Variants in SYNPR observed in about 807,000 individuals in gnomAD.
The protein encoded by SYNPR is synaptoporin.
In SYNPR, 23 loss-of-function variants were observed where a neutral mutation model predicts 32.9. The ratio of observed to expected loss-of-function variants is 0.70; its 90% CI spans 0.50 to 0.99. The LOEUF is 0.99. Ranked by LOEUF, SYNPR falls within the 50% of genes least tolerant of loss-of-function variation. SYNPR has a pLI of 0.00. For synonymous variants in SYNPR, 146 were observed against 135.9 expected (o/e 1.07, Z -0.52); for missense variants, 318 against 349.3 (o/e 0.91, Z 0.71).
At chr3:63,460,572 CAA>C (rs11390803) in intron 2 of SYNPR, among the ~76,000 whole-genome samples, 12 of 45,710 alleles carry the variant, frequency 2.6e-4, no homozygotes, top group African/African-American at 8.2e-4. Context: ...ATTGGTAGAC[CAA>C]AAAAAAAAAA....
At chr3:63,521,070 G>A (rs1701904991) in intron 3 of SYNPR, among the ~76,000 whole-genome samples, 1 of 152,116 alleles carries the variant, frequency 6.6e-6, no homozygotes, top group Non-Finnish European at 1.5e-5. Flanking sequence ...TGAAAAGAGG[G>A]TGATACACAG....
rs138894249 is a variant in SYNPR, at chr3:63,604,759, A to G, written c.409-4366A>G. Among the ~76,000 whole-genome samples, 458 of 152,308 alleles carry G rather than the reference A, an allele frequency of 3.0e-3. 7 individuals carry two copies. The East Asian group carries it at 0.04, about 13-fold the overall frequency. On this transcript the variant is annotated intron_variant, in intron 4 of 5. Coordinates refer to ENST00000478300, the MANE Select transcript of SYNPR (RefSeq NM_001130003.2). Reference sequence around the variant, plus strand: ...GAGGATGGTAAAAATTTCAATTTTAATTACATTATTATTTGATCTAATTAA... The same window carrying G: ...GAGGATGGTAAAAATTTCAATTTTAGTTACATTATTATTTGATCTAATTAA...
At chr3:63,478,324 G>A (rs1449256618) in intron 2 of SYNPR, among the ~76,000 whole-genome samples, 1 of 152,146 alleles carries the variant, frequency 6.6e-6, no homozygotes, top group Admixed American at 6.5e-5. Context: ...GCACTGAAAT[G>A]GACAAGATTT....
chr3:63,517,485 C>T (rs935905854), intron 3 of SYNPR, among the ~76,000 whole-genome samples: 2 of 152,108 alleles, frequency 1.3e-5, no homozygotes, highest in Admixed American at 6.6e-5. Flanking sequence ...CTAGTATAGA[C>T]ATCAATGATA....
At chr3:63,328,946 T>C (rs1004875400) in intron 2 of SYNPR, among the ~76,000 whole-genome samples, 1 of 152,200 alleles carries the variant, frequency 6.6e-6, no homozygotes. Context: ...CATCGCACAA[T>C]ATGTTTATTT....
At chr3:63,496,265 T>C (rs2106727319) in intron 3 of SYNPR, among the ~76,000 whole-genome samples, 1 of 152,242 alleles carries the variant, frequency 6.6e-6, no homozygotes, top group Non-Finnish European at 1.5e-5. Flanking sequence ...CATTCATTTT[T>C]ATAATTTTGA....
At chr3:63,498,553 A>G (rs1575676780) in intron 3 of SYNPR, among the ~76,000 whole-genome samples, 1 of 152,288 alleles carries the variant, frequency 6.6e-6, no homozygotes, top group African/African-American at 2.4e-5. Context: ...ATGAGGAGAC[A>G]TTGAGCAGAG....
At chr3:63,250,965 A>C (rs1027220529) in intron 1 of SYNPR, among the ~76,000 whole-genome samples, 2 of 152,198 alleles carry the variant, frequency 1.3e-5, no homozygotes, top group Non-Finnish European at 2.9e-5. Flanking sequence ...AAAAGTAAAT[A>C]GAAGCATAAC....
chr3:63,312,750 A>G (rs1021598150), intron 2 of SYNPR, among the ~76,000 whole-genome samples: 2 of 151,900 alleles, frequency 1.3e-5, no homozygotes, highest in African/African-American at 4.8e-5. Flanking sequence ...ACTCTTTTGC[A>G]CTAAGCTCCC....
chr3:63,577,185 T>C (rs1489241025), intron 4 of SYNPR, among the ~76,000 whole-genome samples: 4 of 152,234 alleles, frequency 2.6e-5, no homozygotes, highest in Non-Finnish European at 5.9e-5. Flanking sequence ...GGGAGCAGCA[T>C]GTGGCTGGGT....
intron 2 of SYNPR, among the ~76,000 whole-genome samples, chr3:63,283,984 A>G (rs1159592091): frequency 6.6e-6 from 1 of 151,528 alleles, no homozygotes; most frequent in Non-Finnish European, 1.5e-5. Flanking sequence ...AATTTTTTGT[A>G]TTTTTAGTAG....
chr3:63,320,848 A>G (rs1284973957), intron 2 of SYNPR, among the ~76,000 whole-genome samples: 4 of 152,104 alleles, frequency 2.6e-5, no homozygotes, highest in African/African-American at 7.2e-5. Flanking sequence ...GTTCTGAGTT[A>G]TCTGTGAAAT....
At chr3:63,494,468 C>CATATATATACATATATAT (rs1701328340) in intron 3 of SYNPR, among the ~76,000 whole-genome samples, 1 of 84,808 alleles carries the variant, frequency 1.2e-5, no homozygotes, top group African/African-American at 4.9e-5. Flanking sequence ...TACATATATA[C>CATATATATACATATATAT]ACATATATAC....
chr3:63,554,131 C>T (rs770451052), intron 3 of SYNPR, among the ~76,000 whole-genome samples: 4 of 152,190 alleles, frequency 2.6e-5, no homozygotes, highest in Non-Finnish European at 5.9e-5. Context: ...GGATATTAGA[C>T]CTTTGTCAGA....
chr3:63,504,869 G>A (rs996766241), intron 3 of SYNPR, among the ~76,000 whole-genome samples: 3 of 152,024 alleles, frequency 2.0e-5, no homozygotes, highest in Non-Finnish European at 4.4e-5. Flanking sequence ...CATTAGCCAC[G>A]GTAGGGTCCT....
Position 63,616,093 on chromosome 3 carries a change from G to T in SYNPR, c.*612G>T, listed in dbSNP as rs927990611. ...GGTTTGCACCATGAATTTGTCAAAT[G>T]GATATTTATAGGAATATATTCACTA... On this transcript the variant is annotated 3_prime_UTR_variant, in exon 6 of 6. Coordinates refer to ENST00000478300, the MANE Select transcript of SYNPR (RefSeq NM_001130003.2). 1 of 152,118 alleles carries T rather than the reference G, an allele frequency of 6.6e-6. No homozygotes were observed. Among genetic ancestry groups the T allele is most frequent in the Non-Finnish European group, 1.5e-5 (1 of 68,028 alleles). 9.4% of individuals were successfully genotyped at this position (152,118 alleles called of 1,614,324 possible). A position where few individuals can be genotyped will look rare whatever the true frequency, so the allele number is the denominator to read the frequency against.
intron 1 of SYNPR, among the ~76,000 whole-genome samples, chr3:63,250,741 A>G (rs1377598752): frequency 6.6e-6 from 1 of 152,198 alleles, no homozygotes; most frequent in Admixed American, 6.5e-5. Flanking sequence ...AAAGTGACAG[A>G]GCCAGAATTA....
chr3:63,556,664 C>T lies in SYNPR; in HGVS notation c.331C>T (p.Leu111Phe), dbSNP rs368601582. The change falls in exon 4 of 6, where the codon CTC becomes TTC. Residue 111 changes from leucine (L) to phenylalanine (F), a missense_variant. Leu to Phe is a conservative substitution (Grantham distance 22). Coordinates refer to ENST00000478300, the MANE Select transcript of SYNPR (RefSeq NM_001130003.2). Reference protein sequence around the residue: ...FFVTVAVFAFLYSLAATVVYI... With the variant: ...FFVTVAVFAFFYSLAATVVYI... The stretch of plus-strand genomic sequence containing the variant: ...CGTCACTGTTGCTGTCTTCGCCTTC[C>T]TCTACTCTTTGGCTGCCACTGTCGT... The T allele has an allele frequency of 2.5e-6, 4 of 1,613,834 alleles. No individual in the cohort carries two copies. Among genetic ancestry groups the T allele is most frequent in the Middle Eastern group, 1.7e-4 (1 of 6,060 alleles).
upstream of SYNPR, among the ~76,000 whole-genome samples, chr3:63,273,537 A>G (rs1292376212): frequency 1.3e-5 from 2 of 152,198 alleles, no homozygotes; most frequent in African/African-American, 4.8e-5. Flanking sequence ...CAATGGATCC[A>G]ATCCTTTGGT....
Sources: gnomAD v4.1 joint callset for allele counts (sites outside exome capture counted in the v4.1 genomes callset) on GRCh38, gnomAD v4.1.1 for gene constraint, MANE v1.5 for transcripts, NCBI Gene and HGNC (gene_info 2026-07-23, HGNC 2026-07-21) for gene names.